The following CHODL variants were observed in gnomAD, a reference collection of about 807,000 sequenced individuals.
CHODL encodes the protein chondrolectin.
A neutral mutation model predicts 34.5 loss-of-function variants in CHODL; 29 were observed. The observed-to-expected ratio is 0.84, with a 90% CI of 0.63 to 1.15. The LOEUF (loss-of-function observed/expected upper bound fraction) is 1.15. CHODL is among the 50% of genes most tolerant of loss of function. The pLI, the probability that CHODL is intolerant of heterozygous loss-of-function variation, is 0.00. For synonymous variants in CHODL, 125 were observed against 116.1 expected, an observed-to-expected ratio of 1.08 and a Z score of -0.49; for missense variants, 332 against 332.5, an observed-to-expected ratio of 1.00 and a Z score of 0.01.
intron 1 of CHODL, among the ~76,000 whole-genome samples, chr21:18,253,721 A>G (rs2074283838): frequency 6.6e-6 from 1 of 152,128 alleles, no homozygotes; most frequent in South Asian, 2.1e-4. Flanking sequence ...CTCTCAAAGA[A>G]TATTTATTTT....
chr21:18,137,209 C>T (rs1213810593), intron 2 of CHODL, among the ~76,000 whole-genome samples: 1 of 152,152 alleles, frequency 6.6e-6, no homozygotes, highest in Non-Finnish European at 1.5e-5. Flanking sequence ...TCCCATTCTG[C>T]ATTCCTTCTC....
At chr21:18,102,379 T>C (rs904135120) in intron 2 of CHODL, among the ~76,000 whole-genome samples, 1 of 152,180 alleles carries the variant, frequency 6.6e-6, no homozygotes, top group Admixed American at 6.5e-5. Context: ...TAAGTTTTGA[T>C]TGGATTTTAA....
intron 2 of CHODL, among the ~76,000 whole-genome samples, chr21:18,235,965 A>G (rs758148613): frequency 2.0e-5 from 3 of 152,172 alleles, no homozygotes; most frequent in African/African-American, 7.2e-5. Flanking sequence ...TTATTAAGTA[A>G]GATGAATCAA....
intron 1 of CHODL, among the ~76,000 whole-genome samples, chr21:17,946,914 A>G (rs1217211132): frequency 6.6e-6 from 1 of 151,862 alleles, no homozygotes; most frequent in Non-Finnish European, 1.5e-5. Context: ...TTTTATTTCT[A>G]TTGGTTTTAT....
At chr21:18,149,628 GATA>G (rs1389991681) in intron 2 of CHODL, among the ~76,000 whole-genome samples, 2 of 152,150 alleles carry the variant, frequency 1.3e-5, no homozygotes, top group Non-Finnish European at 2.9e-5. Context: ...ACATCTCAAT[GATA>G]ATATCAAATT....
intron 2 of CHODL, among the ~76,000 whole-genome samples, chr21:18,122,352 C>A (rs1180018794): frequency 6.6e-6 from 1 of 152,064 alleles, no homozygotes; most frequent in African/African-American, 2.4e-5. Context: ...CCATAGACTG[C>A]ATTAAATTCT....
intron 2 of CHODL, among the ~76,000 whole-genome samples, chr21:18,168,054 C>G (rs959663180): frequency 6.6e-6 from 1 of 152,142 alleles, no homozygotes; most frequent in Admixed American, 6.5e-5. Context: ...ATTCTTCCTG[C>G]CCTCAAATAT....
At chr21:18,197,448 C>T (rs2146703049) in intron 2 of CHODL, among the ~76,000 whole-genome samples, 1 of 151,996 alleles carries the variant, frequency 6.6e-6, no homozygotes, top group Middle Eastern at 3.4e-3. Context: ...CTGTCTCTAC[C>T]AAAAAATACA....
At chr21:18,147,829 G>C (rs1184089676) in intron 2 of CHODL, among the ~76,000 whole-genome samples, 1 of 152,200 alleles carries the variant, frequency 6.6e-6, no homozygotes, top group Non-Finnish European at 1.5e-5. Flanking sequence ...TGCTCAGCTA[G>C]TAAGTTGATG....
chr21:18,037,708 G>C (rs1356941732), intron 2 of CHODL, among the ~76,000 whole-genome samples: 1 of 151,658 alleles, frequency 6.6e-6, no homozygotes, highest in Non-Finnish European at 1.5e-5. Flanking sequence ...AAGAATAAGT[G>C]GGTAAATAAT....
At chr21:17,961,365 A>G (rs753709106) in intron 1 of CHODL, among the ~76,000 whole-genome samples, 3 of 152,208 alleles carry the variant, frequency 2.0e-5, no homozygotes, top group Non-Finnish European at 4.4e-5. Flanking sequence ...CAGTTTTGAA[A>G]GGTTCCTCTG....
chr21:17,937,301 C>T (rs1228199410), intron 1 of CHODL, among the ~76,000 whole-genome samples: 1 of 151,988 alleles, frequency 6.6e-6, no homozygotes, highest in African/African-American at 2.4e-5. Flanking sequence ...GAGGAGAATA[C>T]CTGGTTGTGA....
chr21:18,022,407 A>C (rs2064136243), intron 1 of CHODL: 1 of 152,206 alleles, frequency 6.6e-6, no homozygotes, highest in Admixed American at 6.5e-5. Flanking sequence ...GATAATCCAG[A>C]ATGATTTCAT....
upstream of CHODL, among the ~76,000 whole-genome samples, chr21:18,244,293 A>G (rs1479586294): frequency 2.6e-5 from 4 of 152,220 alleles, no homozygotes; most frequent in South Asian, 6.2e-4. Flanking sequence ...CCATGCTTCA[A>G]ATATTCCTTT....
intron 2 of CHODL, among the ~76,000 whole-genome samples, chr21:18,226,880 T>C (rs2073935993): frequency 1.3e-5 from 2 of 152,202 alleles, no homozygotes; most frequent in African/African-American, 4.8e-5. Context: ...ATTGCTAAGC[T>C]ATTCTGTTTT....
At chr21:18,232,945 A>T (rs1027321813) in intron 2 of CHODL, among the ~76,000 whole-genome samples, 19 of 69,658 alleles carry the variant, frequency 2.7e-4, no homozygotes, top group East Asian at 1.8e-3. Flanking sequence ...ATGTTATGAT[A>T]TATATATATA....
At chr21:18,257,650 G>C (rs2146814933) in intron 3 of CHODL, among the ~76,000 whole-genome samples, 2 of 152,258 alleles carry the variant, frequency 1.3e-5, no homozygotes, top group Middle Eastern at 6.8e-3. Flanking sequence ...GTGGAAAAAA[G>C]TAGGAAGATG....
intron 2 of CHODL, among the ~76,000 whole-genome samples, chr21:18,228,431 C>T (rs1486686198): frequency 6.6e-6 from 1 of 152,112 alleles, no homozygotes; most frequent in Non-Finnish European, 1.5e-5. Flanking sequence ...ATCTTAATGG[C>T]TGCATCATGG....
chr21:18,209,547 A>G (rs1601151204), intron 2 of CHODL, among the ~76,000 whole-genome samples: 1 of 152,120 alleles, frequency 6.6e-6, no homozygotes, highest in Admixed American at 6.5e-5. Flanking sequence ...CTAAGTTGTA[A>G]GACAAAGTTT....
Sources: gnomAD v4.1 joint callset for allele counts (sites outside exome capture counted in the v4.1 genomes callset) on GRCh38, gnomAD v4.1.1 for gene constraint, MANE v1.5 for transcripts, NCBI Gene and HGNC (gene_info 2026-07-23, HGNC 2026-07-21) for gene names.